The following CDYL2 variants were observed in gnomAD, a reference collection of about 807,000 sequenced individuals.
CDYL2 encodes the protein chromodomain Y-like protein 2.
In CDYL2, 23 loss-of-function variants were observed where a neutral mutation model predicts 49.4. The ratio of observed to expected loss-of-function variants is 0.47; its 90% CI spans 0.34 to 0.66. The LOEUF (loss-of-function observed/expected upper bound fraction) is 0.66, where lower values mean the gene tolerates loss of function less well. Ranked by LOEUF, CDYL2 falls within the 30% of genes least tolerant of loss-of-function variation. The pLI is 0.01. For missense variants in CDYL2, 678 were observed against 656.4 expected (o/e 1.03, Z -0.36); for synonymous variants, 360 against 268.8 (o/e 1.34, Z -3.32).
rs181594402 is a variant in CDYL2, at chr16:80,777,243, T to C, written c.24+26907A>G. ...CACAGAGGACTAGAAAGATGTCCTT[T>C]TTTAAAACTATGTGTCGAGTACACT... On this transcript the variant is annotated intron_variant, in intron 1 of 6. Transcript: ENST00000570137. Among the ~76,000 whole-genome samples, 157 of 152,296 alleles carry C rather than the reference T, an allele frequency of 1.0e-3. 1 individual carries two copies. In the East Asian group the frequency reaches 0.011, roughly 11 times the overall value.
intron 1 of CDYL2, among the ~76,000 whole-genome samples, chr16:80,800,608 CAGAG>C (rs1263376382): frequency 6.6e-6 from 1 of 151,992 alleles, no homozygotes; most frequent in Non-Finnish European, 1.5e-5. Flanking sequence ...CACTTCCCTA[CAGAG>C]AGAGAACTGA....
At chr16:80,727,568 A>C (rs958740473) in intron 1 of CDYL2, among the ~76,000 whole-genome samples, 6 of 152,240 alleles carry the variant, frequency 3.9e-5, no homozygotes, top group Admixed American at 1.3e-4. Flanking sequence ...CAAAGCAGCC[A>C]GGAAGCTCGA....
At chr16:80,671,460 G>C (rs1385277903) in intron 2 of CDYL2, among the ~76,000 whole-genome samples, 1 of 152,192 alleles carries the variant, frequency 6.6e-6, no homozygotes, top group Non-Finnish European at 1.5e-5. Flanking sequence ...CTGTCTTTCA[G>C]CTGTCGCCCA....
At chr16:80,757,660 C>G (rs1291622954) in intron 1 of CDYL2, among the ~76,000 whole-genome samples, 2 of 150,620 alleles carry the variant, frequency 1.3e-5, no homozygotes, top group African/African-American at 4.9e-5. Context: ...ATTTATTTGA[C>G]ATTTTATATA....
At chr16:80,683,838 A>T (rs1292721709) in intron 2 of CDYL2, among the ~76,000 whole-genome samples, 1 of 152,212 alleles carries the variant, frequency 6.6e-6, no homozygotes, top group African/African-American at 2.4e-5. Context: ...CCCTCACCCG[A>T]TGCAGCATCT....
chr16:80,599,451 G>C lies in CDYL2; in HGVS notation c.*4937C>G, dbSNP rs1348141331. Reference sequence around the variant, plus strand: ...AAGGAGCTCCATGATTTATGTTCTAGAAAAACAGTCCTGGATAGACATATT... The same window carrying C: ...AAGGAGCTCCATGATTTATGTTCTACAAAAACAGTCCTGGATAGACATATT... On this transcript the variant is annotated 3_prime_UTR_variant, in exon 7 of 7. Transcript: ENST00000570137. 6.6e-6 allele frequency: 1 copy of C among 152,160 alleles called. No individual in the cohort carries two copies. Among genetic ancestry groups the C allele is most frequent in the Non-Finnish European group, 1.5e-5 (1 of 68,026 alleles). The allele number at this position is 152,160 out of a possible 1,614,324, so 9.4% of individuals were successfully genotyped here.
At chr16:80,696,284 A>C (rs1306991971) in intron 1 of CDYL2, among the ~76,000 whole-genome samples, 1 of 152,192 alleles carries the variant, frequency 6.6e-6, no homozygotes, top group Admixed American at 6.5e-5. Context: ...GAACATCTAC[A>C]TCAAAAAAGC....
chr16:80,621,207 A>G (rs1223126307), intron 3 of CDYL2, among the ~76,000 whole-genome samples: 1 of 152,236 alleles, frequency 6.6e-6, no homozygotes, highest in Non-Finnish European at 1.5e-5. Context: ...CAGATCTGGA[A>G]GCCTGGCCTG....
chr16:80,704,166 C>T (rs992763026), intron 1 of CDYL2, among the ~76,000 whole-genome samples: 1 of 152,218 alleles, frequency 6.6e-6, no homozygotes, highest in Non-Finnish European at 1.5e-5. Flanking sequence ...CTTTCGCACC[C>T]TCATCCAAGC....
intron 2 of CDYL2, among the ~76,000 whole-genome samples, chr16:80,640,713 A>G (rs1449447161): frequency 6.6e-6 from 1 of 152,160 alleles, no homozygotes; most frequent in Non-Finnish European, 1.5e-5. Flanking sequence ...ACAGAGAAGG[A>G]ATTCAGACTT....
chr16:80,682,885 G>C (rs1039395926), intron 2 of CDYL2, among the ~76,000 whole-genome samples: 2 of 152,214 alleles, frequency 1.3e-5, no homozygotes, highest in Admixed American at 6.5e-5. Flanking sequence ...GCACAGTCAC[G>C]TCAGCGTCAG....
chr16:80,621,824 A>C (rs1432815583), intron 3 of CDYL2, among the ~76,000 whole-genome samples: 2 of 152,036 alleles, frequency 1.3e-5, no homozygotes, highest in Admixed American at 6.5e-5. Context: ...GGTCTCTATG[A>C]CCTTGTCTTA....
At chr16:80,727,066 T>A (rs899529729) in intron 1 of CDYL2, among the ~76,000 whole-genome samples, 1 of 152,064 alleles carries the variant, frequency 6.6e-6, no homozygotes, top group African/African-American at 2.4e-5. Context: ...AGCAAGACAA[T>A]CTCAAAAAGA....
chr16:80,633,842 C>T (rs972257902), intron 2 of CDYL2, among the ~76,000 whole-genome samples: 1 of 152,172 alleles, frequency 6.6e-6, no homozygotes, highest in Non-Finnish European at 1.5e-5. Context: ...TTCTGTTTCA[C>T]ATATTAACAT....
At chr16:80,691,397 C>A (rs1407805751) in intron 1 of CDYL2, among the ~76,000 whole-genome samples, 1 of 152,148 alleles carries the variant, frequency 6.6e-6, no homozygotes, top group African/African-American at 2.4e-5. Context: ...AGGTTTTTCC[C>A]GTCCAGTGCA....
chr16:80,746,014 G>A lies in CDYL2; in HGVS notation c.24+58136C>T, dbSNP rs138456804. Among the ~76,000 whole-genome samples, 10 of 152,242 alleles carry A rather than the reference G, an allele frequency of 6.6e-5. No homozygotes were observed. The South Asian group carries it at 1.2e-3, about 19-fold the overall frequency. On this transcript the variant is annotated intron_variant, in intron 1 of 6. Coordinates refer to ENST00000570137, the MANE Select transcript of CDYL2 (RefSeq NM_152342.4). Reference sequence around the variant, plus strand: ...CTGCTGCAGGCAGAAGGTAAAGCTCGCACTTGTCTCTGTATTATCCACACA... The same window carrying A: ...CTGCTGCAGGCAGAAGGTAAAGCTCACACTTGTCTCTGTATTATCCACACA...
chr16:80,634,686 A>G (rs1364855314), intron 2 of CDYL2, among the ~76,000 whole-genome samples: 1 of 152,198 alleles, frequency 6.6e-6, no homozygotes, highest in Non-Finnish European at 1.5e-5. Context: ...AAATACTAAG[A>G]AAAACTGCTC....
intron 1 of CDYL2, among the ~76,000 whole-genome samples, chr16:80,791,457 G>A (rs776756168): frequency 6.6e-6 from 1 of 152,218 alleles, no homozygotes; most frequent in Non-Finnish European, 1.5e-5. Flanking sequence ...GTAAGTGGGA[G>A]ATTTAGAAAA....
At chr16:80,661,795 T>A (rs1043232685) in intron 2 of CDYL2, among the ~76,000 whole-genome samples, 1 of 152,188 alleles carries the variant, frequency 6.6e-6, no homozygotes, top group African/African-American at 2.4e-5. Context: ...CACTATGTTA[T>A]CATCATCCAT....
Sources: allele counts gnomAD v4.1 joint callset (sites outside exome capture counted in the v4.1 genomes callset), GRCh38; gene constraint gnomAD v4.1.1; transcripts MANE v1.5; gene names NCBI Gene and HGNC (gene_info 2026-07-23, HGNC 2026-07-21).